RAB11FIP4: variants seen among roughly 807,000 people sequenced by gnomAD.
The protein encoded by RAB11FIP4 is RAB11 family interacting protein 4.
A neutral mutation model predicts 74.3 loss-of-function variants in RAB11FIP4; 23 were observed. The ratio of observed to expected loss-of-function variants is 0.31; its 90% CI spans 0.22 to 0.44. The LOEUF (loss-of-function observed/expected upper bound fraction) is 0.44, where lower values mean the gene tolerates loss of function less well. RAB11FIP4 is among the 20% of genes least tolerant of loss of function. The probability of loss-of-function intolerance (pLI) is 1.00; values close to 1 mark genes in which losing one functional copy is unlikely to be tolerated. For missense variants in RAB11FIP4, 630 were observed against 863.9 expected (o/e 0.73, Z 3.39); for synonymous variants, 360 against 359.9 (o/e 1.00, Z 0.00).
intron 3 of RAB11FIP4, among the ~76,000 whole-genome samples, chr17:31,436,502 A>G (rs2151629442): frequency 6.6e-6 from 1 of 152,288 alleles, no homozygotes; most frequent in East Asian, 1.9e-4. Context: ...TGTGGCCCCC[A>G]CATTCTGCCA....
At chr17:31,487,906 G>T in intron 3 of RAB11FIP4, 1 of 372,688 alleles carries the variant, frequency 2.7e-6, no homozygotes, top group Non-Finnish European at 3.7e-6. Context: ...TGGGGGCGGG[G>T]TTACCTGGGC....
At chr17:31,410,218 G>A (rs1023570666) in intron 1 of RAB11FIP4, among the ~76,000 whole-genome samples, 4 of 152,044 alleles carry the variant, frequency 2.6e-5, no homozygotes, top group South Asian at 4.2e-4. Context: ...GAAGTTCTGC[G>A]CTGGTTATAG....
intron 2 of RAB11FIP4, among the ~76,000 whole-genome samples, chr17:31,433,237 C>T (rs924227277): frequency 6.6e-6 from 1 of 152,220 alleles, no homozygotes; most frequent in Non-Finnish European, 1.5e-5. Context: ...AATGCAGTCA[C>T]TTCTGGAGTC....
chr17:31,449,238 G>A (rs1158279083), intron 3 of RAB11FIP4, among the ~76,000 whole-genome samples: 2 of 152,062 alleles, frequency 1.3e-5, no homozygotes, highest in South Asian at 2.1e-4. Context: ...CCCGCACACC[G>A]CCTGAACACT....
intron 1 of RAB11FIP4, among the ~76,000 whole-genome samples, chr17:31,430,611 G>A (rs2071300422): frequency 1.3e-5 from 2 of 151,844 alleles, no homozygotes; most frequent in South Asian, 2.1e-4. Context: ...TACCCGCCTC[G>A]GCCTCCCAAA....
rs531496557 is a variant in RAB11FIP4 at position 31,498,247 on chromosome 17, G to A, written c.337-19404G>A. 4.6e-5 allele frequency among the ~76,000 whole-genome samples: 7 copies of A among 152,306 alleles called. No individual in the cohort carries two copies. The South Asian group carries it at 1.2e-3, about 27-fold the overall frequency. ...CACTGCGAGAAAGCCTGCCCTGGCC[G>A]GAGGCCCTAAGCTGAGCTCTGGCCA... On this transcript the variant is annotated intron_variant, in intron 3 of 14. Transcript: ENST00000621161.
intron 2 of RAB11FIP4, 27 bp from the exon 3 acceptor site, chr17:31,434,007 G>C (rs758477000): frequency 3.8e-6 from 6 of 1,563,378 alleles, no homozygotes; most frequent in Non-Finnish European, 5.2e-6. Context: ...ACCCCTCACT[G>C]TCCCGTGTGT....
intron 2 of RAB11FIP4, 38 bp from the exon 3 acceptor site, chr17:31,433,996 A>C: frequency 1.2e-5 from 18 of 1,543,072 alleles, no homozygotes; most frequent in Non-Finnish European, 1.4e-5. Flanking sequence ...GCTGAGGCTC[A>C]ACCCCTCACT....
chr17:31,408,982 C>T (rs2071067539), intron 1 of RAB11FIP4, among the ~76,000 whole-genome samples: 1 of 152,214 alleles, frequency 6.6e-6, no homozygotes, highest in African/African-American at 2.4e-5. Context: ...AAAACCAAGT[C>T]CCAGGCAGCA....
intron 1 of RAB11FIP4, among the ~76,000 whole-genome samples, chr17:31,393,869 GA>G (rs1378014235): frequency 6.6e-6 from 1 of 152,068 alleles, no homozygotes; most frequent in Non-Finnish European, 1.5e-5. Context: ...GCAATAACAT[GA>G]AAGGGCTGGA....
chr17:31,528,389 G>T lies in RAB11FIP4; in HGVS notation c.1357-17G>T. The T allele has an allele frequency of 6.2e-7, 1 of 1,609,846 alleles. No homozygotes were observed. The highest frequency in any genetic ancestry group is 1.1e-5 in the South Asian group (1 of 90,870). Reference sequence around the variant, plus strand: ...CTCTGGGAACTCTCCTCCCCTGATCGGGTCTCCCTGCTCCAGGAGCGGCAG... The same window carrying T: ...CTCTGGGAACTCTCCTCCCCTGATCTGGTCTCCCTGCTCCAGGAGCGGCAG... On this transcript the variant is annotated splice_polypyrimidine_tract_variant and intron_variant, in intron 11 of 14. Transcript: ENST00000621161.
At chr17:31,436,854 C>G (rs2071363445) in intron 3 of RAB11FIP4, among the ~76,000 whole-genome samples, 1 of 150,954 alleles carries the variant, frequency 6.6e-6, no homozygotes, top group African/African-American at 2.4e-5. Context: ...GTGGTGCAAT[C>G]TCGGTTCACT....
chr17:31,462,438 G>A (rs751004212), intron 3 of RAB11FIP4, among the ~76,000 whole-genome samples: 12 of 152,086 alleles, frequency 7.9e-5, no homozygotes, highest in Admixed American at 1.3e-4. Context: ...TGGAGTATCC[G>A]CTTGGAAATT....
At chr17:31,498,876 C>T (rs2142765668) in intron 3 of RAB11FIP4, among the ~76,000 whole-genome samples, 1 of 152,324 alleles carries the variant, frequency 6.6e-6, no homozygotes, top group South Asian at 2.1e-4. Context: ...TTTATCATCG[C>T]TCCTCTTATC....
chr17:31,445,843 C>T (rs1210767299), intron 3 of RAB11FIP4, among the ~76,000 whole-genome samples: 1 of 151,536 alleles, frequency 6.6e-6, no homozygotes, highest in Non-Finnish European at 1.5e-5. Flanking sequence ...CCCACCTCGG[C>T]CTCCCAAAGT....
chr17:31,444,068 G>A (rs1364951016), intron 3 of RAB11FIP4, among the ~76,000 whole-genome samples: 1 of 152,228 alleles, frequency 6.6e-6, no homozygotes, highest in East Asian at 1.9e-4. Context: ...CCTCTCTCTA[G>A]AACTTGCTGG....
At chr17:31,459,286 C>T (rs1043984920) in intron 3 of RAB11FIP4, among the ~76,000 whole-genome samples, 1 of 152,096 alleles carries the variant, frequency 6.6e-6, no homozygotes, top group East Asian at 1.9e-4. Flanking sequence ...ATGGATGAGC[C>T]ATGTGGTCTT....
intron 3 of RAB11FIP4, among the ~76,000 whole-genome samples, chr17:31,457,559 G>C (rs1428909837): frequency 1.3e-5 from 2 of 152,026 alleles, no homozygotes; most frequent in South Asian, 2.1e-4. Context: ...GGGGTGGGGC[G>C]GGACAAGGTG....
chr17:31,419,015 G>A (rs1335795747), intron 1 of RAB11FIP4, among the ~76,000 whole-genome samples: 1 of 152,128 alleles, frequency 6.6e-6, no homozygotes, highest in Non-Finnish European at 1.5e-5. Flanking sequence ...CCTTTTGCAC[G>A]TAAATGGAAT....
Sources: allele counts gnomAD v4.1 joint callset (sites outside exome capture counted in the v4.1 genomes callset), GRCh38; gene constraint gnomAD v4.1.1; transcripts MANE v1.5; gene names NCBI Gene and HGNC (gene_info 2026-07-23, HGNC 2026-07-21).